Variants in RYR3 observed in about 807,000 individuals in gnomAD.
The protein encoded by RYR3 is brain ryanodine receptor-calcium release channel.
A neutral mutation model predicts 584.3 loss-of-function variants in RYR3; 207 were observed. That is an observed-to-expected ratio of 0.35 (90% CI 0.32 to 0.40). The LOEUF (loss-of-function observed/expected upper bound fraction) is 0.40, where lower values mean the gene tolerates loss of function less well. Ranked by LOEUF, RYR3 falls within the 10% of genes least tolerant of loss-of-function variation. The pLI is 1.00. For missense variants in RYR3, 5,616 were observed against 6,089.2 expected (o/e 0.92, Z 2.59); for synonymous variants, 2,416 against 2,248.5 (o/e 1.07, Z -2.11).
intron 2 of RYR3, among the ~76,000 whole-genome samples, chr15:33,489,053 C>G (rs1172984427): frequency 6.6e-6 from 1 of 152,248 alleles, no homozygotes; most frequent in Non-Finnish European, 1.5e-5. Flanking sequence ...TGGCTTTGCT[C>G]TCCTTCTAAC....
chr15:33,806,004 T>C (rs2152937614), intron 69 of RYR3, among the ~76,000 whole-genome samples: 1 of 151,308 alleles, frequency 6.6e-6, no homozygotes, highest in Middle Eastern at 3.4e-3. Context: ...CTGCCCTCCT[T>C]CTCTCACTCT....
chr15:33,512,798 T>G (rs1403190439), intron 3 of RYR3, among the ~76,000 whole-genome samples: 2 of 152,188 alleles, frequency 1.3e-5, no homozygotes, highest in African/African-American at 4.8e-5. Context: ...ATATTTTAAT[T>G]GCAAAAAAAT....
At chr15:33,362,037 T>C (rs1327111565) in intron 1 of RYR3, among the ~76,000 whole-genome samples, 2 of 152,144 alleles carry the variant, frequency 1.3e-5, no homozygotes, top group African/African-American at 2.4e-5. Flanking sequence ...TCCTGACCAG[T>C]GGCCACTCAC....
At chr15:33,653,590 A>G (rs1446722944) in intron 32 of RYR3, among the ~76,000 whole-genome samples, 2 of 151,982 alleles carry the variant, frequency 1.3e-5, no homozygotes, top group Non-Finnish European at 2.9e-5. Flanking sequence ...GAATCGCTTG[A>G]ACCTGGGAGG....
At chr15:33,592,269 C>T (rs999603334) in intron 16 of RYR3, among the ~76,000 whole-genome samples, 2 of 152,316 alleles carry the variant, frequency 1.3e-5, no homozygotes, top group East Asian at 3.9e-4. Flanking sequence ...AAGGGCAGAG[C>T]CTCACAGACA....
intron 2 of RYR3, among the ~76,000 whole-genome samples, chr15:33,496,166 C>T (rs567427475): frequency 6.6e-6 from 1 of 152,280 alleles, no homozygotes; most frequent in Non-Finnish European, 1.5e-5. Context: ...TTGAGTAGGA[C>T]TATATAAAAC....
intron 26 of RYR3, 83 bp from the exon 27 acceptor site, chr15:33,636,293 G>T: frequency 2.6e-6 from 3 of 1,148,676 alleles, no homozygotes; most frequent in Non-Finnish European, 3.9e-6. Context: ...CTAGTTAGGA[G>T]ATATCGAAGA....
intron 2 of RYR3, among the ~76,000 whole-genome samples, chr15:33,492,290 G>A (rs942169866): frequency 6.6e-6 from 1 of 152,052 alleles, no homozygotes; most frequent in East Asian, 1.9e-4. Context: ...AGTTCTCTGT[G>A]GAGAGATACA....
chr15:33,325,123 T>A (rs141047490), intron 1 of RYR3, among the ~76,000 whole-genome samples: 286 of 152,368 alleles, frequency 1.9e-3, no homozygotes, highest in Non-Finnish European at 3.3e-3. Flanking sequence ...TTTGTATTTC[T>A]TTGTGCTTGC....
chr15:33,701,902 G>A (rs1262012168), intron 42 of RYR3, among the ~76,000 whole-genome samples: 1 of 152,152 alleles, frequency 6.6e-6, no homozygotes, highest in African/African-American at 2.4e-5. Context: ...GGGTATGACT[G>A]AAGCACAGAG....
intron 33 of RYR3, 89 bp from the exon 34 acceptor site, chr15:33,660,108 A>G (rs898558106): frequency 2.3e-6 from 2 of 861,176 alleles, no homozygotes; most frequent in Non-Finnish European, 3.7e-6. Context: ...TCCCTCTTTA[A>G]TTTATACTGG....
intron 42 of RYR3, among the ~76,000 whole-genome samples, chr15:33,703,336 C>T (rs1375964980): frequency 6.6e-6 from 1 of 152,138 alleles, no homozygotes; most frequent in African/African-American, 2.4e-5. Flanking sequence ...AACAAAGTAC[C>T]ACAGGTTGGG....
chr15:33,794,346 A>T (rs202220855), intron 67 of RYR3, among the ~76,000 whole-genome samples: 10,244 of 50,798 alleles, frequency 0.2, 1 homozygote, highest in East Asian at 0.48. Context: ...TATATATATA[A>T]AAATATATAT....
At chr15:33,492,515 A>G (rs959269816) in intron 2 of RYR3, among the ~76,000 whole-genome samples, 1 of 151,732 alleles carries the variant, frequency 6.6e-6, no homozygotes, top group Non-Finnish European at 1.5e-5. Context: ...ACATGTCCAC[A>G]TTGGAATTTG....
intron 2 of RYR3, among the ~76,000 whole-genome samples, chr15:33,488,343 G>T (rs1193183616): frequency 1.3e-5 from 2 of 151,842 alleles, no homozygotes; most frequent in African/African-American, 4.8e-5. Context: ...GTCACGCTTA[G>T]TACTTTGCTC....
At chr15:33,409,004 G>A (rs960813481) in intron 1 of RYR3, among the ~76,000 whole-genome samples, 1 of 152,154 alleles carries the variant, frequency 6.6e-6, no homozygotes, top group Non-Finnish European at 1.5e-5. Context: ...GTATTCAGAT[G>A]AGGAAAAAAA....
intron 67 of RYR3, among the ~76,000 whole-genome samples, chr15:33,794,104 AAATAT>A (rs1205435051): frequency 6.9e-4 from 37 of 53,622 alleles, no homozygotes; most frequent in African/African-American, 1.6e-3. Context: ...TATATTATAT[AAATAT>A]AATATACATA....
intron 38 of RYR3, among the ~76,000 whole-genome samples, chr15:33,695,799 T>G (rs1001742598): frequency 5.3e-5 from 8 of 151,976 alleles, no homozygotes; most frequent in Admixed American, 4.6e-4. Context: ...AAAATTTTTT[T>G]TTTTGAGACA....
intron 1 of RYR3, among the ~76,000 whole-genome samples, chr15:33,444,610 A>C (rs2046478129): frequency 6.6e-6 from 1 of 152,148 alleles, no homozygotes; most frequent in Admixed American, 6.5e-5. Context: ...TCTGCTATAT[A>C]TTAGCAATGG....
Sources: gnomAD v4.1 joint callset for allele counts (sites outside exome capture counted in the v4.1 genomes callset) on GRCh38, gnomAD v4.1.1 for gene constraint, MANE v1.5 for transcripts, NCBI Gene and HGNC (gene_info 2026-07-23, HGNC 2026-07-21) for gene names.